Variants in RFLNA observed in about 807,000 individuals in gnomAD.
The protein encoded by RFLNA is refilin-A.
A neutral mutation model predicts 7.8 loss-of-function variants in RFLNA; 5 were observed. The observed-to-expected ratio is 0.64, with a 90% CI of 0.34 to 1.35. RFLNA has a LOEUF of 1.35. RFLNA is among the 40% of genes most tolerant of loss of function. The probability of loss-of-function intolerance (pLI) is 0.04; values close to 1 mark genes in which losing one functional copy is unlikely to be tolerated. For synonymous variants in RFLNA, 141 were observed against 131.3 expected (o/e 1.07, Z -0.50); for missense variants, 278 against 305.5 (o/e 0.91, Z 0.67).
At chr12:124,300,937 T>G (rs1015478360) in intron 1 of RFLNA, among the ~76,000 whole-genome samples, 1 of 150,764 alleles carries the variant, frequency 6.6e-6, no homozygotes, top group Non-Finnish European at 1.5e-5. Flanking sequence ...GATGGATGGA[T>G]GGATGGAAGG....
intron 1 of RFLNA, among the ~76,000 whole-genome samples, chr12:124,298,128 C>T (rs1409545880): frequency 6.6e-6 from 1 of 152,312 alleles, no homozygotes; most frequent in East Asian, 1.9e-4. Context: ...CAGTGAACGA[C>T]ACCACCTTTC....
rs2034137908 is a variant in RFLNA at position 124,306,392 on chromosome 12, G to A, written c.208-5426G>A. Reference sequence around the variant, plus strand: ...CAGCAGGGAACAGCGGGAACACCGAGGCAGCCTCGGGTCACAGACAAGGGG... The same window carrying A: ...CAGCAGGGAACAGCGGGAACACCGAAGCAGCCTCGGGTCACAGACAAGGGG... On this transcript the variant is annotated intron_variant, in intron 1 of 2. Coordinates refer to ENST00000546355, the MANE Select transcript of RFLNA (RefSeq NM_001365156.1). The surrounding 1 kb of genome is among the most constrained non-coding windows in gnomAD (Gnocchi z 5.2). Among the ~76,000 whole-genome samples the A allele has an allele frequency of 6.6e-6, 1 of 152,284 alleles. No homozygotes were observed. Among genetic ancestry groups the A allele is most frequent in the South Asian group, 2.1e-4 (1 of 4,822 alleles).
upstream of RFLNA, among the ~76,000 whole-genome samples, chr12:124,292,035 C>G (rs2033832424): frequency 6.6e-6 from 1 of 152,230 alleles, no homozygotes. Flanking sequence ...CCCAATACCT[C>G]TTTTCTATTA....
intron 1 of RFLNA, among the ~76,000 whole-genome samples, chr12:124,309,228 G>A (rs886294484): frequency 2.0e-5 from 3 of 152,158 alleles, no homozygotes; most frequent in African/African-American, 7.2e-5. Flanking sequence ...CACATCCCGA[G>A]TGGCACTGCA....
chr12:124,313,123 CA>C (rs2034282684), intron 2 of RFLNA, among the ~76,000 whole-genome samples: 1 of 152,118 alleles, frequency 6.6e-6, no homozygotes, highest in Non-Finnish European at 1.5e-5. Context: ...AAATGCAAGC[CA>C]AAATTAGATC....
In RFLNA at chr12:124,295,377, C is replaced by T. The variant is rs1403655257; in HGVS notation, c.-53C>T. The T allele has an allele frequency of 5.5e-6, 6 of 1,093,418 alleles. No homozygotes were observed. The African/African-American group carries it at 8.2e-5, about 15-fold the overall frequency. 67.7% of individuals were successfully genotyped at this position (1,093,418 alleles called of 1,614,324 possible). On this transcript the variant is annotated 5_prime_UTR_variant, in exon 1 of 3. Coordinates refer to ENST00000546355, the MANE Select transcript of RFLNA (RefSeq NM_001365156.1). The stretch of plus-strand genomic sequence containing the variant: ...GCCGCCTGCCCCGGGCCCCGGAGCG[C>T]GGTGGAGAAGCCCCCGGAGGAGCGG...
intron 1 of RFLNA, among the ~76,000 whole-genome samples, chr12:124,296,077 T>TTTCTTTC (rs1491466673): frequency 0.02 from 106 of 5,230 alleles, 9 homozygotes; most frequent in Middle Eastern, 0.12. Flanking sequence ...AAGCCTTTTC[T>TTTCTTTC]TTCTTTCTTT....
rs768298724 is a variant in RFLNA, at chr12:124,311,933, T to C, written c.317+6T>C. 2.3e-5 allele frequency: 27 copies of C among 1,171,268 alleles called. No homozygotes were observed. Among genetic ancestry groups the C allele is most frequent in the Admixed American group, 9.7e-5 (4 of 41,100 alleles). 72.6% of individuals were successfully genotyped at this position (1,171,268 alleles called of 1,614,324 possible). A position where few individuals can be genotyped will look rare whatever the true frequency, so the allele number is the denominator to read the frequency against. ...GAACCCACGCATGAGATCCGGTGAG[T>C]GGGCCACTGGGCTCTGCGCGGGAGG... is the stretch of plus-strand genomic sequence containing the variant. On this transcript the variant is annotated splice_donor_region_variant and intron_variant, in intron 2 of 2. Coordinates refer to ENST00000546355, the MANE Select transcript of RFLNA (RefSeq NM_001365156.1).
At chr12:124,310,198 C>CAAAAAAAAAAAAAAAAAAA in intron 1 of RFLNA, among the ~76,000 whole-genome samples, 1 of 31,124 alleles carries the variant, frequency 3.2e-5, no homozygotes, top group Non-Finnish European at 9.0e-5. Flanking sequence ...AAAAAAAAAG[C>CAAAAAAAAAAAAAAAAAAA]CTTTAGAAAC....
chr12:124,297,691 ATT>A (rs11358694), intron 1 of RFLNA, among the ~76,000 whole-genome samples: 10 of 151,808 alleles, frequency 6.6e-5, no homozygotes, highest in Non-Finnish European at 1.0e-4. Flanking sequence ...ACTACCTGTG[ATT>A]TTTTTTTTAT....
At chr12:124,313,882 T>C (rs1272457561) in intron 2 of RFLNA, among the ~76,000 whole-genome samples, 1 of 152,108 alleles carries the variant, frequency 6.6e-6, no homozygotes, top group East Asian at 1.9e-4. Flanking sequence ...CGCCAGCACC[T>C]AACCCACACG....
chr12:124,307,488 A>C lies in RFLNA; in HGVS notation c.208-4330A>C, dbSNP rs565989866. ...GGTGTGATGGGGCCAGGCTGGTCAC[A>C]GCTGTGCCGTCGCCTTGCCTGGCTG... On this transcript the variant is annotated intron_variant, in intron 1 of 2. Transcript: ENST00000546355. Among the ~76,000 whole-genome samples the C allele has an allele frequency of 1.3e-3, 199 of 152,276 alleles. 1 individual carries two copies. Among genetic ancestry groups the C allele is most frequent in the African/African-American group, 4.4e-3 (182 of 41,552 alleles).
intron 1 of RFLNA, among the ~76,000 whole-genome samples, chr12:124,307,243 C>T (rs998517618): frequency 6.6e-6 from 1 of 152,212 alleles, no homozygotes; most frequent in Non-Finnish European, 1.5e-5. Flanking sequence ...GTGTCATGGC[C>T]GCTGCGCACG....
Position 124,314,192 on chromosome 12 carries a change from C to T in RFLNA, c.318C>T (p.Arg106=). ...TCCGCTTCCCTCCTGCCCTTTCCAG[C>T]TGCAACTCTGAGGTCAAGTACGCCT... ...KVNPEPTHEI[R]CNSEVKYASE... Residue 106 remains arginine (R), a splice_region_variant and synonymous_variant, in exon 3 of 3, where the codon CGC becomes CGT. Coordinates refer to ENST00000546355, the MANE Select transcript of RFLNA (RefSeq NM_001365156.1). The T allele has an allele frequency of 6.2e-7, 1 of 1,608,880 alleles. No individual in the cohort carries two copies. Among genetic ancestry groups the T allele is most frequent in the Non-Finnish European group, 8.5e-7 (1 of 1,176,562 alleles).
At chr12:124,291,004 T>C (rs1284250294), upstream of RFLNA, among the ~76,000 whole-genome samples, 1 of 152,182 alleles carries the variant, frequency 6.6e-6, no homozygotes, top group Non-Finnish European at 1.5e-5. Flanking sequence ...TGCGCTCAGA[T>C]GGCCTTGTTT....
At chr12:124,309,210 C>A (rs1248679100) in intron 1 of RFLNA, among the ~76,000 whole-genome samples, 1 of 152,288 alleles carries the variant, frequency 6.6e-6, no homozygotes, top group Non-Finnish European at 1.5e-5. Context: ...TGCTTCCCCC[C>A]CACCGATCAC....
chr12:124,302,551 C>G (rs1337842469), intron 1 of RFLNA, among the ~76,000 whole-genome samples: 1 of 152,118 alleles, frequency 6.6e-6, no homozygotes, highest in Non-Finnish European at 1.5e-5. Context: ...AGACCCACCC[C>G]TGCCCCGGCC....
chr12:124,295,684 G>C, intron 1 of RFLNA, 48 bp downstream of exon 1: 1 of 1,231,072 alleles, frequency 8.1e-7, no homozygotes, highest in Non-Finnish European at 1.0e-6. Context: ...TGGGCGGGTG[G>C]GTGAGGGCTG....
chr12:124,300,653 T>A (rs1293389210), intron 1 of RFLNA, among the ~76,000 whole-genome samples: 1 of 148,486 alleles, frequency 6.7e-6, no homozygotes. Context: ...GATGGATCGA[T>A]GGGCAAATAG....
Sources: gnomAD v4.1 joint callset for allele counts (sites outside exome capture counted in the v4.1 genomes callset) on GRCh38, gnomAD v4.1.1 for gene constraint, Gnocchi (gnomAD v3.1) non-coding constraint, MANE v1.5 for transcripts, NCBI Gene and HGNC (gene_info 2026-07-23, HGNC 2026-07-21) for gene names.